Variants in MRTFA observed in about 807,000 individuals in gnomAD.
The protein encoded by MRTFA is myocardin-related transcription factor A.
In MRTFA, 20 loss-of-function variants were observed where a neutral mutation model predicts 83.5. The observed-to-expected ratio is 0.24, with a 90% CI of 0.17 to 0.35. The LOEUF (loss-of-function observed/expected upper bound fraction) is 0.35. Ranked by LOEUF, MRTFA falls within the 10% of genes least tolerant of loss-of-function variation. The pLI, the probability that MRTFA is intolerant of heterozygous loss-of-function variation, is 1.00. For synonymous variants in MRTFA, 659 were observed against 541.2 expected, an observed-to-expected ratio of 1.22 and a Z score of -3.02; for missense variants, 1,200 against 1,224.7, an observed-to-expected ratio of 0.98 and a Z score of 0.30.
At chr22:40,634,494 T>C (rs2056673911) in intron 1 of MRTFA, among the ~76,000 whole-genome samples, 1 of 152,184 alleles carries the variant, frequency 6.6e-6, no homozygotes, top group African/African-American at 2.4e-5. Flanking sequence ...AGCCTTCCCA[T>C]ACATCCACAG....
rs1347590575 is a variant in MRTFA, at chr22:40,411,434, G to C, written c.3052C>G (p.Leu1018Val). 1.3e-6 allele frequency: 2 copies of C among 1,583,326 alleles called. No homozygotes were observed. The highest frequency in any genetic ancestry group is 1.7e-6 in the Non-Finnish European group (2 of 1,157,608). The change falls in exon 15 of 15, where the codon CTC (leucine) becomes GTC (valine). Residue 1018 changes from leucine to valine, a missense_variant. Physicochemically the swap from Leu to Val is conservative, Grantham distance 32. Transcript: ENST00000355630. ...TGCAGCTGCAAATCATGGCCATCGA[G>C]GAAGTCTGTGGAGAAGAGGCTGGGG...
intron 2 of MRTFA, among the ~76,000 whole-genome samples, chr22:40,589,721 T>G (rs976882501): frequency 1.3e-5 from 2 of 152,192 alleles, no homozygotes; most frequent in African/African-American, 4.8e-5. Flanking sequence ...GTATTTAAAC[T>G]CTGCACTTAA....
chr22:40,567,351 T>A (rs1226656765), intron 2 of MRTFA, among the ~76,000 whole-genome samples: 3 of 152,194 alleles, frequency 2.0e-5, no homozygotes, highest in African/African-American at 7.2e-5. Context: ...TTTTTAAAGG[T>A]GGAATTCTAT....
intron 3 of MRTFA, among the ~76,000 whole-genome samples, chr22:40,547,196 T>C (rs2055378166): frequency 6.6e-6 from 1 of 151,842 alleles, no homozygotes; most frequent in Admixed American, 6.6e-5. Flanking sequence ...TAAATATTTA[T>C]TGAGTGCCTA....
At chr22:40,634,633 T>A (rs1424526616) in intron 1 of MRTFA, among the ~76,000 whole-genome samples, 1 of 152,200 alleles carries the variant, frequency 6.6e-6, no homozygotes, top group African/African-American at 2.4e-5. Flanking sequence ...CATATCTCAC[T>A]TATCTTGACA....
intron 3 of MRTFA, among the ~76,000 whole-genome samples, chr22:40,529,321 A>G (rs1303517467): frequency 6.6e-6 from 1 of 152,084 alleles, no homozygotes; most frequent in Non-Finnish European, 1.5e-5. Flanking sequence ...GAAATATTTT[A>G]TTTTTATTTT....
chr22:40,413,342 ATTT>A (rs113118987), intron 14 of MRTFA, among the ~76,000 whole-genome samples: 16 of 136,818 alleles, frequency 1.2e-4, no homozygotes, highest in African/African-American at 3.5e-4. Flanking sequence ...TTTTACCACA[ATTT>A]TTTTTTTTTT....
chr22:40,452,275 C>T (rs542527823), intron 4 of MRTFA, among the ~76,000 whole-genome samples: 3 of 152,228 alleles, frequency 2.0e-5, no homozygotes, highest in Non-Finnish European at 4.4e-5. Context: ...TAAGCTATCG[C>T]GCCTGGCCTG....
intron 1 of MRTFA, among the ~76,000 whole-genome samples, chr22:40,622,377 A>C (rs573956555): frequency 6.6e-6 from 1 of 151,482 alleles, no homozygotes; most frequent in Non-Finnish European, 1.5e-5. Flanking sequence ...GCTACTCGGG[A>C]GGCTGAGGCA....
intron 3 of MRTFA, among the ~76,000 whole-genome samples, chr22:40,535,002 C>T (rs1051326855): frequency 6.6e-6 from 1 of 152,098 alleles, no homozygotes; most frequent in Non-Finnish European, 1.5e-5. Flanking sequence ...AGACTCAGTA[C>T]AAGAGAGAAA....
rs370098100 is a variant in MRTFA, at chr22:40,423,953, G to A, written c.777+253C>T. On this transcript the variant is annotated intron_variant, in intron 8 of 14. Coordinates refer to ENST00000355630, the MANE Select transcript of MRTFA (RefSeq NM_020831.6). Reference sequence around the variant, plus strand: ...AATGAATACAGACTGGGCCAGTGACGTTTGCAATCCCACTGCAAGGCAGCC... The same window carrying A: ...AATGAATACAGACTGGGCCAGTGACATTTGCAATCCCACTGCAAGGCAGCC... Among the ~76,000 whole-genome samples the A allele has an allele frequency of 9.3e-4, 142 of 152,294 alleles. 1 individual carries two copies. In the Middle Eastern group the frequency reaches 0.02, roughly 22 times the overall value.
rs531669877 is a variant in MRTFA, at chr22:40,525,339, G to T, written c.241+26767C>A. 3.9e-5 allele frequency among the ~76,000 whole-genome samples: 6 copies of T among 151,970 alleles called. No individual in the cohort carries two copies. In the East Asian group the frequency reaches 1.2e-3, roughly 29 times the overall value. ...TAAAAATTATTTTAAAAAATTTTTT[G>T]TAAAGATGGAATCTTGCTATGTTGC... On this transcript the variant is annotated intron_variant, in intron 3 of 14. Coordinates refer to ENST00000355630, the MANE Select transcript of MRTFA (RefSeq NM_020831.6).
At chr22:40,502,871 T>C (rs2054519296) in intron 3 of MRTFA, among the ~76,000 whole-genome samples, 1 of 152,248 alleles carries the variant, frequency 6.6e-6, no homozygotes, top group East Asian at 1.9e-4. Flanking sequence ...ATCTCCTTTA[T>C]GAAGATAGTC....
chr22:40,592,614 T>C (rs1306506207), intron 2 of MRTFA, among the ~76,000 whole-genome samples: 1 of 151,854 alleles, frequency 6.6e-6, no homozygotes, highest in African/African-American at 2.4e-5. Flanking sequence ...TCAGCCTCTC[T>C]AGCAAATGGG....
At chr22:40,417,904 G>A (rs564099761) in intron 12 of MRTFA, among the ~76,000 whole-genome samples, 1 of 152,292 alleles carries the variant, frequency 6.6e-6, no homozygotes, top group African/African-American at 2.4e-5. Context: ...CCTGTGGCCT[G>A]GGCTGAGAGA....
intron 2 of MRTFA, among the ~76,000 whole-genome samples, chr22:40,565,317 CG>C (rs1172513137): frequency 1.3e-5 from 2 of 152,084 alleles, no homozygotes; most frequent in Admixed American, 6.5e-5. Flanking sequence ...GAGGCCAAGG[CG>C]GGAGGACCAC....
At chr22:40,577,929 T>C (rs1249399888) in intron 2 of MRTFA, among the ~76,000 whole-genome samples, 1 of 151,046 alleles carries the variant, frequency 6.6e-6, no homozygotes, top group Middle Eastern at 3.5e-3. Context: ...TTTAAACCAC[T>C]GTCTGGTAAG....
intron 1 of MRTFA, among the ~76,000 whole-genome samples, chr22:40,612,355 G>A (rs2056396592): frequency 1.3e-5 from 2 of 152,202 alleles, no homozygotes; most frequent in East Asian, 1.9e-4. Flanking sequence ...AAGAAGGTAC[G>A]TTATTCAGCC....
intron 3 of MRTFA, among the ~76,000 whole-genome samples, chr22:40,549,820 G>GGAGGGCAGATCACCTGAGGCCA (rs1419664298): frequency 6.6e-6 from 1 of 152,212 alleles, no homozygotes; most frequent in Non-Finnish European, 1.5e-5. Flanking sequence ...GGGGGGCCAA[G>GGAGGGCAGATCACCTGAGGCCA]GAGGGCAGAT....
Sources: allele counts gnomAD v4.1 joint callset (sites outside exome capture counted in the v4.1 genomes callset), GRCh38; gene constraint gnomAD v4.1.1; transcripts MANE v1.5; gene names NCBI Gene and HGNC (gene_info 2026-07-23, HGNC 2026-07-21).